The following GLIPR1L2 variants were observed in gnomAD, a reference collection of about 807,000 sequenced individuals.
GLIPR1L2 encodes the protein GLIPR1-like protein 2.
A neutral mutation model predicts 28.4 loss-of-function variants in GLIPR1L2; 21 were observed. The ratio of observed to expected loss-of-function variants is 0.74; its 90% CI spans 0.52 to 1.06. The LOEUF (loss-of-function observed/expected upper bound fraction) is 1.06, where lower values mean the gene tolerates loss of function less well. GLIPR1L2 is among the 50% of genes least tolerant of loss of function. The probability of loss-of-function intolerance (pLI) is 0.00; values close to 1 mark genes in which losing one functional copy is unlikely to be tolerated. For synonymous variants in GLIPR1L2, 145 were observed against 139.3 expected, an observed-to-expected ratio of 1.04 and a Z score of -0.29; for missense variants, 476 against 416.9, an observed-to-expected ratio of 1.14 and a Z score of -1.23.
intron 1 of GLIPR1L2, among the ~76,000 whole-genome samples, chr12:75,407,063 C>G (rs2045810592): frequency 6.6e-6 from 1 of 152,040 alleles, no homozygotes; most frequent in Non-Finnish European, 1.5e-5. Context: ...ACTACACTGG[C>G]CTGTCTTCAG....
chr12:75,396,378 C>T (rs928503098), intron 1 of GLIPR1L2, among the ~76,000 whole-genome samples: 1 of 151,868 alleles, frequency 6.6e-6, no homozygotes, highest in Non-Finnish European at 1.5e-5. Flanking sequence ...TGCCCAGGCT[C>T]GCACCTGGCC....
At chr12:75,422,305 CTT>C (rs34747987) in intron 3 of GLIPR1L2, among the ~76,000 whole-genome samples, 53 of 129,244 alleles carry the variant, frequency 4.1e-4, no homozygotes, top group Admixed American at 3.9e-4. Flanking sequence ...CTACATCATT[CTT>C]TTTTTTTTTT....
At chr12:75,430,693 T>C (rs1223324454) in intron 4 of GLIPR1L2, 22 bp from the exon 5 acceptor site, 1 of 1,525,724 alleles carries the variant, frequency 6.6e-7, no homozygotes, top group East Asian at 2.4e-5. Flanking sequence ...GTAATTTTTG[T>C]GGACTTTCTT....
intron 4 of GLIPR1L2, among the ~76,000 whole-genome samples, chr12:75,426,539 A>G (rs891733224): frequency 6.6e-6 from 1 of 152,170 alleles, no homozygotes; most frequent in African/African-American, 2.4e-5. Flanking sequence ...TATCTTTCCT[A>G]TTTCATTTGC....
chr12:75,412,997 A>G (rs1252387085), intron 2 of GLIPR1L2, among the ~76,000 whole-genome samples: 2 of 151,922 alleles, frequency 1.3e-5, no homozygotes, highest in Admixed American at 6.6e-5. Context: ...CATATACACC[A>G]TGGAATACTA....
intron 1 of GLIPR1L2, among the ~76,000 whole-genome samples, chr12:75,394,911 A>G (rs759091790): frequency 7.2e-5 from 11 of 151,828 alleles, no homozygotes; most frequent in Non-Finnish European, 1.5e-4. Flanking sequence ...TATCCACCTT[A>G]ATTTCTTTCA....
Position 75,403,198 on chromosome 12 carries a change from G to A in GLIPR1L2, c.235-7236G>A, listed in dbSNP as rs913526828. The A allele has an allele frequency of 3.1e-5, 14 of 448,926 alleles. 1 individual carries two copies. The highest frequency in any genetic ancestry group is 2.2e-4 in the Admixed American group (9 of 41,208). The allele number at this position is 448,926 out of a possible 1,614,324, so 27.8% of individuals were successfully genotyped here. On this transcript the variant is annotated intron_variant, in intron 1 of 5. Transcript: ENST00000550916. Reference sequence around the variant, plus strand: ...CCAGATGACAGTCTGTTGAAGGATGGTGAGGATAGATTTTTTGATTTTTAA... The same window carrying A: ...CCAGATGACAGTCTGTTGAAGGATGATGAGGATAGATTTTTTGATTTTTAA...
chr12:75,400,117 T>C (rs951421665), intron 1 of GLIPR1L2, among the ~76,000 whole-genome samples: 63 of 152,164 alleles, frequency 4.1e-4, no homozygotes, highest in Non-Finnish European at 8.2e-4. Flanking sequence ...ACGTTTTTTA[T>C]TTTTTTATTT....
intron 1 of GLIPR1L2, among the ~76,000 whole-genome samples, chr12:75,401,961 T>C (rs1162073504): frequency 6.6e-6 from 1 of 152,034 alleles, no homozygotes; most frequent in African/African-American, 2.4e-5. Flanking sequence ...TGAAAAATAA[T>C]TTTTTCTAAT....
chr12:75,420,921 GTA>G (rs1482884251), intron 3 of GLIPR1L2, among the ~76,000 whole-genome samples: 4 of 152,162 alleles, frequency 2.6e-5, no homozygotes, highest in African/African-American at 4.8e-5. Flanking sequence ...TCAGTTTTAT[GTA>G]TGTATGTATG....
At chr12:75,425,049 G>A (rs2139963947) in intron 4 of GLIPR1L2, among the ~76,000 whole-genome samples, 1 of 152,220 alleles carries the variant, frequency 6.6e-6, no homozygotes, top group East Asian at 1.9e-4. Flanking sequence ...TCCACATAGA[G>A]ATGTGGCCAT....
chr12:75,431,313 C>G lies in GLIPR1L2; in HGVS notation c.*152C>G, dbSNP rs1414867573. 1 of 525,200 alleles carries G rather than the reference C, an allele frequency of 1.9e-6. No individual in the cohort carries two copies. The highest frequency in any genetic ancestry group is 1.9e-5 in the African/African-American group (1 of 52,022). 32.5% of individuals were successfully genotyped at this position (525,200 alleles called of 1,614,324 possible). A position where few individuals can be genotyped will look rare whatever the true frequency, so the allele number is the denominator to read the frequency against. ...TGGAATGTTTTTTATTCCCTTCTCT[C>G]CTATACTTATTCAATCAATTTAAAT... On this transcript the variant is annotated 3_prime_UTR_variant, in exon 6 of 6. Coordinates refer to ENST00000550916, the MANE Select transcript of GLIPR1L2 (RefSeq NM_001270396.2).
At chr12:75,396,748 T>C (rs942931621) in intron 1 of GLIPR1L2, among the ~76,000 whole-genome samples, 1 of 152,138 alleles carries the variant, frequency 6.6e-6, no homozygotes, top group African/African-American at 2.4e-5. Flanking sequence ...AAATCCTGGT[T>C]TTGAAACCCA....
At chr12:75,391,624 A>G in intron 1 of GLIPR1L2, 1 of 983,384 alleles carries the variant, frequency 1.0e-6, no homozygotes, top group Non-Finnish European at 1.5e-6. Flanking sequence ...ATTCAAGAAA[A>G]TGATATTTTA....
chr12:75,424,822 A>T (rs1261182076), intron 4 of GLIPR1L2, among the ~76,000 whole-genome samples: 1 of 152,090 alleles, frequency 6.6e-6, no homozygotes, highest in Non-Finnish European at 1.5e-5. Context: ...CTCTTGCTTC[A>T]CTTGAATCAA....
At position 75,413,470 on chromosome 12, in the gene GLIPR1L2, G is replaced by A. The variant is rs1270903611; in HGVS notation, c.481-128G>A. ...GGTAACTCTCTACATGTCTCTAAATGAAAATAGTTTATATTTCTTGAATTG... is the reference window on the plus strand; with the variant it reads ...GGTAACTCTCTACATGTCTCTAAATAAAAATAGTTTATATTTCTTGAATTG... On this transcript the variant is annotated intron_variant, in intron 2 of 5. Transcript: ENST00000550916. 5.2e-6 allele frequency: 3 copies of A among 575,782 alleles called. No individual in the cohort carries two copies. The Admixed American group carries it at 1.0e-4, about 20-fold the overall frequency. 35.7% of individuals were successfully genotyped at this position (575,782 alleles called of 1,614,324 possible). A position where few individuals can be genotyped will look rare whatever the true frequency, so the allele number is the denominator to read the frequency against.
At chr12:75,423,319 T>A in intron 4 of GLIPR1L2, 1 of 1,115,480 alleles carries the variant, frequency 9.0e-7, no homozygotes, top group South Asian at 4.2e-5. Flanking sequence ...CTTTAAAGGA[T>A]AGTATATTCC....
At chr12:75,412,346 G>A (rs2045876533) in intron 2 of GLIPR1L2, among the ~76,000 whole-genome samples, 1 of 151,976 alleles carries the variant, frequency 6.6e-6, no homozygotes, top group Non-Finnish European at 1.5e-5. Context: ...TGACAAATGG[G>A]ATCTAATTAA....
intron 1 of GLIPR1L2, among the ~76,000 whole-genome samples, chr12:75,400,418 G>A (rs921181473): frequency 2.0e-5 from 3 of 152,096 alleles, no homozygotes; most frequent in Non-Finnish European, 4.4e-5. Flanking sequence ...CACCGTGCCC[G>A]GCCTGAACGT....
Sources: gnomAD v4.1 joint callset for allele counts (sites outside exome capture counted in the v4.1 genomes callset) on GRCh38, gnomAD v4.1.1 for gene constraint, MANE v1.5 for transcripts, NCBI Gene and HGNC (gene_info 2026-07-23, HGNC 2026-07-21) for gene names.